The following TNNI3K variants were observed in gnomAD, a reference collection of about 807,000 sequenced individuals.
TNNI3K encodes serine/threonine-protein kinase TNNI3K.
In TNNI3K, 140 loss-of-function variants were observed where a neutral mutation model predicts 114.5. The observed-to-expected ratio is 1.22, with a 90% confidence interval of 1.07 to 1.41. The LOEUF is 1.41. Among genes scored for constraint, TNNI3K ranks in the 40% most tolerant of loss-of-function variants. TNNI3K has a pLI of 0.00. For missense variants in TNNI3K, 1,125 were observed against 1,007.6 expected, an observed-to-expected ratio of 1.12 and a Z score of -1.58; for synonymous variants, 347 against 347.5, an observed-to-expected ratio of 1.00 and a Z score of 0.02.
At chr1:74,397,903 G>C (rs574263297) in intron 17 of TNNI3K, among the ~76,000 whole-genome samples, 29 of 152,330 alleles carry the variant, frequency 1.9e-4, no homozygotes, top group African/African-American at 7.0e-4. Flanking sequence ...GGCCAAGAAG[G>C]CGCTATATAT....
intron 4 of TNNI3K, among the ~76,000 whole-genome samples, chr1:74,259,295 A>G (rs916981714): frequency 1.3e-5 from 2 of 152,224 alleles, no homozygotes; most frequent in African/African-American, 2.4e-5. Context: ...AGGGGAGCCT[A>G]TGGTGTAAAT....
intron 4 of TNNI3K, among the ~76,000 whole-genome samples, chr1:74,253,146 CAG>C (rs1655049457): frequency 6.6e-6 from 1 of 152,166 alleles, no homozygotes; most frequent in African/African-American, 2.4e-5. Flanking sequence ...GAGCTAGACA[CAG>C]GGTGCTGATG....
intron 11 of TNNI3K, among the ~76,000 whole-genome samples, chr1:74,364,918 C>T (rs1269580979): frequency 6.6e-6 from 1 of 152,086 alleles, no homozygotes; most frequent in Admixed American, 6.6e-5. Flanking sequence ...CCATGTTGAA[C>T]TTTTGACCTC....
chr1:74,510,277 C>T (rs1047123878), intron 23 of TNNI3K, among the ~76,000 whole-genome samples: 21 of 152,122 alleles, frequency 1.4e-4, no homozygotes, highest in African/African-American at 4.1e-4. Context: ...GAGGCCGAGG[C>T]GGGCAGATCA....
At chr1:74,524,261 T>C (rs1271587352) in intron 23 of TNNI3K, among the ~76,000 whole-genome samples, 1 of 152,240 alleles carries the variant, frequency 6.6e-6, no homozygotes, top group Non-Finnish European at 1.5e-5. Context: ...TTTAACAGCC[T>C]GATCTCTGCC....
intron 4 of TNNI3K, among the ~76,000 whole-genome samples, chr1:74,263,403 G>T (rs1194959417): frequency 6.6e-6 from 1 of 151,926 alleles, no homozygotes; most frequent in East Asian, 1.9e-4. Flanking sequence ...ATCTTATTCT[G>T]AGTGCTTAGA....
chr1:74,523,071 T>C (rs1004404418), intron 23 of TNNI3K, among the ~76,000 whole-genome samples: 92 of 152,336 alleles, frequency 6.0e-4, no homozygotes, highest in African/African-American at 1.8e-3. Flanking sequence ...TGAGCTTCAG[T>C]ATAGGTTCTG....
intron 5 of TNNI3K, among the ~76,000 whole-genome samples, chr1:74,308,584 G>A (rs574164): frequency 0.14 from 21,369 of 152,088 alleles, 1,545 homozygotes; most frequent in South Asian, 0.2. Context: ...ACAGCTTAAT[G>A]TCACAACTGG....
intron 5 of TNNI3K, among the ~76,000 whole-genome samples, chr1:74,311,523 A>G (rs922386984): frequency 1.3e-5 from 2 of 152,206 alleles, no homozygotes; most frequent in African/African-American, 4.8e-5. Flanking sequence ...TTAACACAGA[A>G]GAATATGAAA....
intron 17 of TNNI3K, among the ~76,000 whole-genome samples, chr1:74,404,292 G>A (rs1267092534): frequency 6.6e-6 from 1 of 152,088 alleles, no homozygotes; most frequent in Non-Finnish European, 1.5e-5. Flanking sequence ...ATTGCTGTAT[G>A]AGTTGTTTTT....
At chr1:74,400,419 A>C (rs1238568781) in intron 17 of TNNI3K, among the ~76,000 whole-genome samples, 2 of 152,196 alleles carry the variant, frequency 1.3e-5, no homozygotes, top group Admixed American at 1.3e-4. Context: ...TGAATGGTCC[A>C]AATTTTCGGT....
At chr1:74,401,040 C>G (rs137862496) in intron 17 of TNNI3K, among the ~76,000 whole-genome samples, 1 of 152,280 alleles carries the variant, frequency 6.6e-6, no homozygotes, top group Non-Finnish European at 1.5e-5. Flanking sequence ...TCAATATTCA[C>G]TTTCTTACTT....
rs752305929 is a variant in TNNI3K at position 74,544,089 on chromosome 1, C to G, written c.*107C>G. The G allele has an allele frequency of 4.3e-5, 53 of 1,245,754 alleles. No individual in the cohort carries two copies. The highest frequency in any genetic ancestry group is 5.7e-5 in the Non-Finnish European group (52 of 911,866). 77.2% of individuals were successfully genotyped at this position (1,245,754 alleles called of 1,614,324 possible). A position where few individuals can be genotyped will look rare whatever the true frequency, so the allele number is the denominator to read the frequency against. On this transcript the variant is annotated 3_prime_UTR_variant, in exon 25 of 25. Transcript: ENST00000326637. The stretch of plus-strand genomic sequence containing the variant: ...TATAACATTTTACTCTCAAAGGTCT[C>G]CTTAAATTGGGCTTGTTTTTACTTG...
chr1:74,316,629 C>G (rs1448908206), intron 5 of TNNI3K, among the ~76,000 whole-genome samples: 1 of 151,854 alleles, frequency 6.6e-6, no homozygotes, highest in Non-Finnish European at 1.5e-5. Flanking sequence ...TCCAGACCAT[C>G]CTAGCTCTGA....
intron 6 of TNNI3K, among the ~76,000 whole-genome samples, chr1:74,332,976 A>AAGAGAG (rs1553132589): frequency 7.7e-5 from 7 of 90,748 alleles, no homozygotes; most frequent in South Asian, 4.3e-4. Context: ...AAAAAAAAAA[A>AAGAGAG]AGAGAGAGAC....
chr1:74,381,218 T>C (rs1663187816), intron 17 of TNNI3K, among the ~76,000 whole-genome samples: 1 of 152,150 alleles, frequency 6.6e-6, no homozygotes, highest in African/African-American at 2.4e-5. Flanking sequence ...GAGAACTAAT[T>C]GACGGCATGG....
chr1:74,392,070 A>G (rs905887456), intron 17 of TNNI3K, among the ~76,000 whole-genome samples: 1 of 144,410 alleles, frequency 6.9e-6, no homozygotes, highest in Non-Finnish European at 1.5e-5. Flanking sequence ...GGTTCACGCC[A>G]TTCTCCTGCC....
At chr1:74,282,428 A>G (rs1657072484) in intron 5 of TNNI3K, among the ~76,000 whole-genome samples, 1 of 151,818 alleles carries the variant, frequency 6.6e-6, no homozygotes, top group African/African-American at 2.4e-5. Context: ...GTATGTTAAC[A>G]TGCTCATATC....
chr1:74,235,568 G>C (rs1653796530), intron 1 of TNNI3K, 77 bp downstream of exon 1: 1 of 784,316 alleles, frequency 1.3e-6, no homozygotes, highest in South Asian at 1.8e-5. Context: ...ACAACTCATT[G>C]GAATATGTGT....
Sources: gnomAD v4.1 joint callset for allele counts (sites outside exome capture counted in the v4.1 genomes callset) on GRCh38, gnomAD v4.1.1 for gene constraint, MANE v1.5 for transcripts, NCBI Gene and HGNC (gene_info 2026-07-23, HGNC 2026-07-21) for gene names.